The following PTPN14 variants were observed in gnomAD, a reference collection of about 807,000 sequenced individuals.
PTPN14 encodes tyrosine-protein phosphatase non-receptor type 14.
A neutral mutation model predicts 126.8 loss-of-function variants in PTPN14; 53 were observed. That is an observed-to-expected ratio of 0.42 (90% CI 0.34 to 0.53). The LOEUF (loss-of-function observed/expected upper bound fraction) is 0.53, where lower values mean the gene tolerates loss of function less well. Ranked by LOEUF, PTPN14 falls within the 20% of genes least tolerant of loss-of-function variation. The pLI is 0.08. For missense variants in PTPN14, 1,257 were observed against 1,552.9 expected (o/e 0.81, Z 3.20); for synonymous variants, 630 against 599.3 (o/e 1.05, Z -0.75).
Position 214,415,792 on chromosome 1 carries a change from A to G in PTPN14, c.345-1066T>C, listed in dbSNP as rs1659413589. On this transcript the variant is annotated intron_variant, in intron 3 of 18. Transcript: ENST00000366956. ...GTCCTTCTTCTCTCCTCTTGGGTGT[A>G]CTAAACAGGATAAAGACAGCCATAC... Among the ~76,000 whole-genome samples, 4 of 152,326 alleles carry G rather than the reference A, an allele frequency of 2.6e-5. No individual in the cohort carries two copies. The South Asian group carries it at 8.3e-4, about 32-fold the overall frequency.
rs776140449 is a variant in PTPN14 at position 214,363,234 on chromosome 1, CA to C, written c.3435+1277del. Among the ~76,000 whole-genome samples, 3 of 152,166 alleles carry C rather than the reference CA, an allele frequency of 2.0e-5. No individual in the cohort carries two copies. In the East Asian group the frequency reaches 5.8e-4, roughly 29 times the overall value. ...GCTACAGTTGGGATTGCCCCTTTTC[CA>C]ATTTTTAGCAGCACAAACATTCATT... On this transcript the variant is annotated intron_variant, in intron 18 of 18. Transcript: ENST00000366956.
intron 3 of PTPN14, among the ~76,000 whole-genome samples, chr1:214,428,834 C>T (rs1470369454): frequency 6.6e-6 from 1 of 152,192 alleles, no homozygotes; most frequent in Non-Finnish European, 1.5e-5. Context: ...ACTTTAAAAA[C>T]ATCATCATTT....
intron 5 of PTPN14, among the ~76,000 whole-genome samples, chr1:214,407,946 C>T (rs527687294): frequency 1.3e-5 from 2 of 152,180 alleles, no homozygotes; most frequent in African/African-American, 4.8e-5. Context: ...TAGCTACAGT[C>T]AAACCAGCCA....
At chr1:214,530,229 T>C (rs1046161228) in intron 1 of PTPN14, 3 of 151,920 alleles carry the variant, frequency 2.0e-5, no homozygotes, top group African/African-American at 7.3e-5. Flanking sequence ...GGAGTGAACA[T>C]GGTAACAGTA....
chr1:214,502,484 C>G (rs1032459351), intron 1 of PTPN14, among the ~76,000 whole-genome samples: 2 of 152,134 alleles, frequency 1.3e-5, no homozygotes, highest in African/African-American at 2.4e-5. Flanking sequence ...CAACACACAG[C>G]AGGTCTTGAA....
At chr1:214,496,084 C>A (rs1654489535) in intron 1 of PTPN14, among the ~76,000 whole-genome samples, 1 of 152,156 alleles carries the variant, frequency 6.6e-6, no homozygotes, top group African/African-American at 2.4e-5. Context: ...TCCTGGCATT[C>A]TTGGTCCTGA....
chr1:214,412,487 G>A (rs1659329862), intron 4 of PTPN14, among the ~76,000 whole-genome samples: 1 of 152,056 alleles, frequency 6.6e-6, no homozygotes, highest in Non-Finnish European at 1.5e-5. Context: ...GTTGCTAGAA[G>A]GTAAAAAATA....
At chr1:214,515,937 G>GA in intron 1 of PTPN14, among the ~76,000 whole-genome samples, 1 of 152,196 alleles carries the variant, frequency 6.6e-6, no homozygotes, top group Middle Eastern at 3.4e-3. Context: ...AATTTTCCTG[G>GA]AAAAACTGCA....
chr1:214,521,657 G>A (rs1266636664), intron 1 of PTPN14, among the ~76,000 whole-genome samples: 2 of 152,102 alleles, frequency 1.3e-5, no homozygotes, highest in African/African-American at 4.8e-5. Flanking sequence ...GGAGGTTGCA[G>A]TGAGCCGAGA....
intron 1 of PTPN14, among the ~76,000 whole-genome samples, chr1:214,542,148 A>T (rs939010199): frequency 6.7e-6 from 1 of 150,266 alleles, no homozygotes; most frequent in Non-Finnish European, 1.5e-5. Flanking sequence ...ACACACACAT[A>T]TAGTATGTAT....
intron 1 of PTPN14, among the ~76,000 whole-genome samples, chr1:214,510,379 A>C (rs1349229934): frequency 6.6e-6 from 1 of 152,246 alleles, no homozygotes; most frequent in African/African-American, 2.4e-5. Context: ...TTGGAAAAAC[A>C]GACTTGCTCA....
At chr1:214,548,448 T>C (rs540188668) in intron 1 of PTPN14, among the ~76,000 whole-genome samples, 4 of 152,348 alleles carry the variant, frequency 2.6e-5, no homozygotes, top group Non-Finnish European at 5.9e-5. Context: ...CTTTCGTGTT[T>C]GTTTTCCCTC....
At chr1:214,408,964 C>T (rs1659233510) in intron 5 of PTPN14, among the ~76,000 whole-genome samples, 1 of 152,084 alleles carries the variant, frequency 6.6e-6, no homozygotes, top group Admixed American at 6.5e-5. Context: ...CAAAACAAAA[C>T]TTTAATTCTA....
In PTPN14 at chr1:214,494,283, C is replaced by T. The variant is rs1447178228; in HGVS notation, c.-154-29326G>A. 2.0e-5 allele frequency among the ~76,000 whole-genome samples: 3 copies of T among 152,034 alleles called. 1 individual carries two copies. Among genetic ancestry groups the T allele is most frequent in the Non-Finnish European group, 4.4e-5 (3 of 67,988 alleles). On this transcript the variant is annotated intron_variant, in intron 1 of 18. Coordinates refer to ENST00000366956, the MANE Select transcript of PTPN14 (RefSeq NM_005401.5). ...CCATGTTAGCCAGGATGGTATCTCT[C>T]GATCTCCTGACCTTGTGATCCGCCC... is the stretch of plus-strand genomic sequence containing the variant.
chr1:214,366,515 C>T (rs1007757030), intron 17 of PTPN14, among the ~76,000 whole-genome samples: 5 of 152,110 alleles, frequency 3.3e-5, no homozygotes, highest in African/African-American at 7.2e-5. Flanking sequence ...AAGTTCCTTA[C>T]GCTGTAACTC....
At chr1:214,387,723 T>C (rs1174249195) in intron 11 of PTPN14, among the ~76,000 whole-genome samples, 1 of 151,290 alleles carries the variant, frequency 6.6e-6, no homozygotes, top group Non-Finnish European at 1.5e-5. Flanking sequence ...AGTAAATTAT[T>C]ATAACCCATC....
chr1:214,522,561 T>G (rs185350638), intron 1 of PTPN14, among the ~76,000 whole-genome samples: 16 of 152,350 alleles, frequency 1.1e-4, no homozygotes, highest in Middle Eastern at 6.8e-3. Context: ...CATCAGGTTC[T>G]GAAACAAATT....
chr1:214,540,615 A>G (rs73079754), intron 1 of PTPN14, among the ~76,000 whole-genome samples: 8,103 of 152,218 alleles, frequency 0.053, 461 homozygotes, highest in African/African-American at 0.15. Context: ...GTACCACTTC[A>G]CAGCCTAGAG....
At chr1:214,402,060 T>G (rs1288434137) in intron 6 of PTPN14, among the ~76,000 whole-genome samples, 3 of 151,978 alleles carry the variant, frequency 2.0e-5, no homozygotes, top group Non-Finnish European at 4.4e-5. Context: ...ATATGTTGCC[T>G]ACTTTAAAAA....
Sources: gnomAD v4.1 joint callset for allele counts (sites outside exome capture counted in the v4.1 genomes callset) on GRCh38, gnomAD v4.1.1 for gene constraint, MANE v1.5 for transcripts, NCBI Gene and HGNC (gene_info 2026-07-23, HGNC 2026-07-21) for gene names.